Variants in ABHD12B observed in about 807,000 individuals in gnomAD.
ABHD12B encodes abhydrolase domain containing 12B, also known as protein ABHD12B.
In ABHD12B, 42 loss-of-function variants were observed where a neutral mutation model predicts 50.4. The observed-to-expected ratio is 0.83, with a 90% CI of 0.65 to 1.08. ABHD12B has a LOEUF of 1.08. Ranked by LOEUF, ABHD12B falls within the 50% of genes least tolerant of loss-of-function variation. ABHD12B has a pLI of 0.00. For missense variants in ABHD12B, 479 were observed against 447.7 expected (o/e 1.07, Z -0.63); for synonymous variants, 167 against 160.3 (o/e 1.04, Z -0.32).
At chr14:50,879,674 C>G (rs2049913331) in intron 3 of ABHD12B, among the ~76,000 whole-genome samples, 1 of 152,192 alleles carries the variant, frequency 6.6e-6, no homozygotes, top group African/African-American at 2.4e-5. Flanking sequence ...GTACAGTTCA[C>G]CCAAATGTGT....
chr14:50,891,799 C>T (rs1201911128), intron 9 of ABHD12B: 1 of 152,166 alleles, frequency 6.6e-6, no homozygotes, highest in African/African-American at 2.4e-5. Flanking sequence ...CCTTCCCCAC[C>T]ACTATGCAGT....
At chr14:50,878,965 G>C in intron 3 of ABHD12B, 118 bp downstream of exon 3, 1 of 783,468 alleles carries the variant, frequency 1.3e-6, no homozygotes, top group Non-Finnish European at 2.2e-6. Flanking sequence ...GAGGTACCTG[G>C]AGGCTGTTTC....
In ABHD12B at chr14:50,885,801, G is replaced by A. The variant is rs1000210073; in HGVS notation, c.568G>A (p.Gly190Arg). The change falls in exon 7 of 13, where the codon GGA (glycine) becomes AGA (arginine). Residue 190 changes from glycine to arginine, a missense_variant. Transcript: ENST00000337334. ...GDSTGKPTEE[G>R]LTTDAICVYE... Reference sequence around the variant, plus strand: ...CTCTACAGGTAAGCCCACAGAGGAGGGACTGACTACGGATGCCATTTGTGT... The same window carrying A: ...CTCTACAGGTAAGCCCACAGAGGAGAGACTGACTACGGATGCCATTTGTGT... 4 of 1,614,018 alleles carry A rather than the reference G, an allele frequency of 2.5e-6. No homozygotes were observed. In the African/African-American group the frequency reaches 5.3e-5, roughly 22 times the overall value.
At chr14:50,903,350 C>T in intron 10 of ABHD12B, 39 bp from the exon 11 acceptor site, 1 of 1,485,674 alleles carries the variant, frequency 6.7e-7, no homozygotes. Flanking sequence ...CTCAATGTAT[C>T]ATTCTTTAAC....
chr14:50,898,113 G>A (rs147528579), intron 9 of ABHD12B, among the ~76,000 whole-genome samples: 2 of 152,304 alleles, frequency 1.3e-5, no homozygotes, highest in South Asian at 2.1e-4. Flanking sequence ...GCTGTTCTAC[G>A]TTATAAACTG....
At chr14:50,903,311 C>A in intron 10 of ABHD12B, 78 bp from the exon 11 acceptor site, 1 of 1,146,436 alleles carries the variant, frequency 8.7e-7, no homozygotes, top group Non-Finnish European at 1.3e-6. Flanking sequence ...TCATGTTTTG[C>A]TAAAGCTTTA....
chr14:50,877,762 G>T (rs2049882050), intron 1 of ABHD12B, among the ~76,000 whole-genome samples, 190 bp from the exon 2 acceptor site: 1 of 151,860 alleles, frequency 6.6e-6, no homozygotes, highest in Non-Finnish European at 1.5e-5. Flanking sequence ...AGCTACTTGG[G>T]AGGCTCAGGC....
intron 9 of ABHD12B, chr14:50,892,396 A>T: frequency 1.0e-6 from 1 of 985,304 alleles, no homozygotes; most frequent in Middle Eastern, 5.2e-4. Flanking sequence ...GGCAAAGTCT[A>T]GCTTTGGCCT....
At chr14:50,891,677 A>G (rs2050122188) in intron 9 of ABHD12B, 1 of 152,220 alleles carries the variant, frequency 6.6e-6, no homozygotes, top group African/African-American at 2.4e-5. Context: ...GTCTTCTGGA[A>G]ACTCTATTTT....
chr14:50,893,559 A>C (rs1440625416), intron 9 of ABHD12B: 1 of 152,762 alleles, frequency 6.5e-6, no homozygotes, highest in Non-Finnish European at 1.5e-5. Context: ...ATAAACAGCC[A>C]TGTTGCTCAC....
chr14:50,873,222 C>CTTT (rs369236270), intron 1 of ABHD12B, among the ~76,000 whole-genome samples: 2 of 148,536 alleles, frequency 1.3e-5, no homozygotes, highest in African/African-American at 5.0e-5. Flanking sequence ...CTCTCTCTCT[C>CTTT]TTTTTTTTTT....
At chr14:50,875,573 G>C (rs1407927412) in intron 1 of ABHD12B, among the ~76,000 whole-genome samples, 4 of 152,188 alleles carry the variant, frequency 2.6e-5, no homozygotes, top group Admixed American at 2.6e-4. Context: ...AAAGCACCAA[G>C]GTGGCCGTTT....
At position 50,872,228 on chromosome 14, in the gene ABHD12B, A is replaced by G; in HGVS notation, c.54A>G (p.Pro18=). The change falls in exon 1 of 13, where the codon CCA becomes CCG. Residue 18 remains proline (P), a synonymous_variant. Transcript: ENST00000337334. ...CATCGCCCGAGCCGCCCGGGCCCCC[A>G]GCCCGTAGCTGCGTGGCCGCCTGGT... The part of the protein sequence containing the change: ...AAASPEPPGP[P]ARSCVAAWWD... 7.2e-7 allele frequency: 1 copy of G among 1,391,992 alleles called. No homozygotes were observed. The highest frequency in any genetic ancestry group is 1.5e-5 in the African/African-American group (1 of 67,098). 86.2% of individuals were successfully genotyped at this position (1,391,992 alleles called of 1,614,324 possible). A position where few individuals can be genotyped will look rare whatever the true frequency, so the allele number is the denominator to read the frequency against.
chr14:50,901,333 C>G (rs2050257909), intron 9 of ABHD12B, among the ~76,000 whole-genome samples: 1 of 152,248 alleles, frequency 6.6e-6, no homozygotes, highest in East Asian at 1.9e-4. Flanking sequence ...ATCCTGTGGT[C>G]ATTGTTAAAA....
intron 9 of ABHD12B, among the ~76,000 whole-genome samples, chr14:50,890,430 C>G (rs747802486): frequency 1.3e-5 from 2 of 152,088 alleles, no homozygotes; most frequent in Non-Finnish European, 2.9e-5. Flanking sequence ...AGATGTAATC[C>G]TTAGTCCTTA....
chr14:50,881,517 C>T (rs973701134), intron 4 of ABHD12B, 79 bp from the exon 5 acceptor site: 27 of 1,507,324 alleles, frequency 1.8e-5, no homozygotes, highest in East Asian at 1.1e-4. Flanking sequence ...ACCAGCAGCA[C>T]GAGAGTGATT....
chr14:50,873,025 C>A (rs1272946497), intron 1 of ABHD12B, among the ~76,000 whole-genome samples: 3 of 152,148 alleles, frequency 2.0e-5, no homozygotes, highest in Non-Finnish European at 4.4e-5. Flanking sequence ...AGATCGTGGA[C>A]CCAGGACACG....
intron 9 of ABHD12B, among the ~76,000 whole-genome samples, chr14:50,893,985 A>G (rs144161538): frequency 0.055 from 8,386 of 152,308 alleles, 761 homozygotes; most frequent in African/African-American, 0.19. Context: ...CATTGCAGGG[A>G]CACCTCTCTG....
Position 50,888,873 on chromosome 14 carries a change from G to T in ABHD12B, c.750G>T (p.Trp250Cys). ...IVLEAPFTNMWVASINYPLLK... is the reference protein window; with the variant it reads ...IVLEAPFTNMCVASINYPLLK... The stretch of plus-strand genomic sequence containing the variant: ...TGGAAGCTCCATTTACCAACATGTG[G>T]GTTGCAAGTATCAATTATCCCTTGT... The change falls in exon 9 of 13, where the codon TGG becomes TGT. Residue 250 changes from tryptophan (W) to cysteine (C), a missense_variant. By Grantham distance (215) the Trp-to-Cys change is radical. Coordinates refer to ENST00000337334, the MANE Select transcript of ABHD12B (RefSeq NM_001206673.2). 6.2e-7 allele frequency: 1 copy of T among 1,613,954 alleles called. No homozygotes were observed. Among genetic ancestry groups the T allele is most frequent in the Non-Finnish European group, 8.5e-7 (1 of 1,179,958 alleles).
Sources: gnomAD v4.1 joint callset for allele counts (sites outside exome capture counted in the v4.1 genomes callset) on GRCh38, gnomAD v4.1.1 for gene constraint, MANE v1.5 for transcripts, NCBI Gene and HGNC (gene_info 2026-07-23, HGNC 2026-07-21) for gene names.